The following SPAG16 variants were observed in gnomAD, a reference collection of about 807,000 sequenced individuals.
SPAG16 encodes sperm associated antigen 16.
SPAG16 carries 86 observed loss-of-function variants against 80.4 expected under a neutral mutation model. That is an observed-to-expected ratio of 1.07 (90% CI 0.90 to 1.28). The LOEUF is 1.28. SPAG16 is among the 50% of genes most tolerant of loss of function. The pLI, the probability that SPAG16 is intolerant of heterozygous loss-of-function variation, is 0.00. For synonymous variants in SPAG16, 294 were observed against 265.9 expected, an observed-to-expected ratio of 1.11 and a Z score of -1.03; for missense variants, 870 against 765.3, an observed-to-expected ratio of 1.14 and a Z score of -1.61.
At chr2:214,343,998 TCTTAC>T (rs1391912266) in intron 15 of SPAG16, among the ~76,000 whole-genome samples, 13 of 152,276 alleles carry the variant, frequency 8.5e-5, no homozygotes, top group African/African-American at 2.9e-4. Flanking sequence ...TTTTTTGTTC[TCTTAC>T]CTTAATAATG....
intron 3 of SPAG16, among the ~76,000 whole-genome samples, chr2:213,304,969 A>G (rs1308263075): frequency 6.6e-6 from 1 of 152,084 alleles, no homozygotes; most frequent in Non-Finnish European, 1.5e-5. Context: ...TTTGGATAGT[A>G]TTGACATTTT....
chr2:214,394,592 A>G (rs564832017), intron 15 of SPAG16, among the ~76,000 whole-genome samples: 1 of 152,218 alleles, frequency 6.6e-6, no homozygotes, highest in African/African-American at 2.4e-5. Flanking sequence ...GTCTTTTTAG[A>G]TCAGTTTTAG....
intron 9 of SPAG16, among the ~76,000 whole-genome samples, chr2:213,428,432 T>G (rs2070081892): frequency 6.6e-6 from 1 of 152,124 alleles, no homozygotes; most frequent in South Asian, 2.1e-4. Context: ...AAAATGTGAT[T>G]CTCAATCCTA....
intron 12 of SPAG16, among the ~76,000 whole-genome samples, chr2:213,991,165 C>T (rs2046262884): frequency 6.6e-6 from 1 of 152,050 alleles, no homozygotes; most frequent in Admixed American, 6.6e-5. Flanking sequence ...CCCCCACTCC[C>T]CGTCAGGCCC....
chr2:214,141,187 G>A (rs1443396660), intron 14 of SPAG16, among the ~76,000 whole-genome samples: 1 of 152,024 alleles, frequency 6.6e-6, no homozygotes, highest in African/African-American at 2.4e-5. Context: ...CTGAATTTTT[G>A]CCTGGGCACG....
intron 15 of SPAG16, among the ~76,000 whole-genome samples, chr2:214,293,385 T>C (rs1693930018): frequency 1.3e-5 from 2 of 152,160 alleles, no homozygotes; most frequent in Admixed American, 6.6e-5. Flanking sequence ...GGTTGGATAA[T>C]CCTGACCTCA....
chr2:213,924,491 C>A (rs1330663295), intron 11 of SPAG16, among the ~76,000 whole-genome samples: 1 of 152,212 alleles, frequency 6.6e-6, no homozygotes, highest in Non-Finnish European at 1.5e-5. Flanking sequence ...CATGGTTTCT[C>A]AGATGATTGG....
At chr2:213,877,270 G>A (rs2076175725) in intron 11 of SPAG16, among the ~76,000 whole-genome samples, 1 of 151,952 alleles carries the variant, frequency 6.6e-6, no homozygotes, top group Admixed American at 6.6e-5. Flanking sequence ...AAGTTTTTCT[G>A]TTTATATGTC....
At chr2:213,902,546 A>C (rs2077261895) in intron 11 of SPAG16, among the ~76,000 whole-genome samples, 1 of 152,184 alleles carries the variant, frequency 6.6e-6, no homozygotes, top group African/African-American at 2.4e-5. Context: ...AACCACCCCC[A>C]TGATGCAAAT....
chr2:213,291,376 T>C (rs1329316453), intron 1 of SPAG16, among the ~76,000 whole-genome samples: 1 of 152,236 alleles, frequency 6.6e-6, no homozygotes, highest in Admixed American at 6.5e-5. Context: ...TTTAATAACA[T>C]TGTGACATTT....
At chr2:213,949,102 T>C (rs2079592185) in intron 12 of SPAG16, among the ~76,000 whole-genome samples, 1 of 151,864 alleles carries the variant, frequency 6.6e-6, no homozygotes, top group Admixed American at 6.6e-5. Flanking sequence ...ATTGTTCATA[T>C]TGAATGAAAA....
intron 15 of SPAG16, among the ~76,000 whole-genome samples, chr2:214,165,469 C>CTTTTTTTTTTTTTTT (rs67726428): frequency 2.6e-5 from 1 of 37,856 alleles, no homozygotes; most frequent in African/African-American, 1.4e-4. Flanking sequence ...CATCACCATC[C>CTTTTTTTTTTTTTTT]TTTTTTTTTT....
intron 10 of SPAG16, among the ~76,000 whole-genome samples, chr2:213,589,081 G>A (rs2060588110): frequency 6.6e-6 from 1 of 151,990 alleles, no homozygotes; most frequent in African/African-American, 2.4e-5. Context: ...TAAGCAAAAA[G>A]TATAGTAAAC....
intron 10 of SPAG16, among the ~76,000 whole-genome samples, chr2:213,691,340 G>C (rs903914021): frequency 6.6e-6 from 1 of 152,082 alleles, no homozygotes; most frequent in Non-Finnish European, 1.5e-5. Context: ...ATTCTGACTG[G>C]GTCTGCTTAA....
At chr2:214,083,904 C>A (rs2051548402) in intron 13 of SPAG16, among the ~76,000 whole-genome samples, 1 of 152,010 alleles carries the variant, frequency 6.6e-6, no homozygotes, top group Admixed American at 6.6e-5. Context: ...ATTATTGCAT[C>A]CTTTTTAAAA....
At chr2:213,991,829 A>G (rs1357462938) in intron 12 of SPAG16, among the ~76,000 whole-genome samples, 1 of 151,800 alleles carries the variant, frequency 6.6e-6, no homozygotes, top group African/African-American at 2.4e-5. Context: ...GTGGTTCACC[A>G]CTCTCAAGGG....
At chr2:214,306,096 C>T (rs1375132503) in intron 15 of SPAG16, among the ~76,000 whole-genome samples, 1 of 152,078 alleles carries the variant, frequency 6.6e-6, no homozygotes, top group East Asian at 1.9e-4. Flanking sequence ...TTTCACCTCC[C>T]TAATAAGCTG....
intron 10 of SPAG16, among the ~76,000 whole-genome samples, chr2:213,818,352 T>A (rs1014774048): frequency 6.6e-6 from 1 of 152,174 alleles, no homozygotes; most frequent in Non-Finnish European, 1.5e-5. Context: ...AGAGGAACTT[T>A]ATCTCAGGTC....
intron 10 of SPAG16, among the ~76,000 whole-genome samples, chr2:213,617,311 T>C (rs963061837): frequency 7.2e-5 from 11 of 152,246 alleles, no homozygotes; most frequent in African/African-American, 2.6e-4. Context: ...ATGTCTGTAA[T>C]CTCAGCACTT....
Sources: gnomAD v4.1 joint callset for allele counts (sites outside exome capture counted in the v4.1 genomes callset) on GRCh38, gnomAD v4.1.1 for gene constraint, MANE v1.5 for transcripts, NCBI Gene and HGNC (gene_info 2026-07-23, HGNC 2026-07-21) for gene names.